The following WDR70 variants were observed in gnomAD, a reference collection of about 807,000 sequenced individuals.
The protein encoded by WDR70 is WD repeat domain 70, also known as WD repeat-containing protein 70.
Under a neutral mutation model 88.6 loss-of-function variants are expected in WDR70, and 53 were observed. The ratio of observed to expected loss-of-function variants is 0.60; its 90% CI spans 0.48 to 0.75. The LOEUF is 0.75. WDR70 is among the 30% of genes least tolerant of loss of function. WDR70 has a pLI of 0.00. For missense variants in WDR70, 610 were observed against 823.2 expected (o/e 0.74, Z 3.17); for synonymous variants, 280 against 270.0 (o/e 1.04, Z -0.36).
chr5:37,594,267 A>G (rs1408373972), intron 9 of WDR70, among the ~76,000 whole-genome samples: 2 of 152,040 alleles, frequency 1.3e-5, no homozygotes, highest in Admixed American at 1.3e-4. Flanking sequence ...TAGGGTTTTT[A>G]TGGTTTTAGG....
intron 5 of WDR70, among the ~76,000 whole-genome samples, chr5:37,408,793 T>C (rs1383860407): frequency 6.6e-6 from 1 of 152,170 alleles, no homozygotes; most frequent in African/African-American, 2.4e-5. Flanking sequence ...ATAATATATA[T>C]AGCATGTGTG....
chr5:37,490,616 TCCCTGGCTGCAGCA>T (rs2112190818), intron 8 of WDR70, among the ~76,000 whole-genome samples: 1 of 151,448 alleles, frequency 6.6e-6, no homozygotes, highest in Non-Finnish European at 1.5e-5. Flanking sequence ...TAGGCTCTGG[TCCCTGGCTGCAGCA>T]GCAGGCAGGG....
chr5:37,679,144 T>C (rs1235516310), intron 10 of WDR70, among the ~76,000 whole-genome samples: 1 of 152,130 alleles, frequency 6.6e-6, no homozygotes, highest in African/African-American at 2.4e-5. Context: ...TAAATTTTTT[T>C]CAAAGTTTTT....
rs1561106591 is a variant in WDR70, at chr5:37,752,809, C to T, written c.*236C>T. The T allele has an allele frequency of 2.5e-5, 10 of 394,838 alleles. 1 individual carries two copies. The South Asian group carries it at 3.7e-4, about 15-fold the overall frequency. The allele number at this position is 394,838 out of a possible 1,614,324, so 24.5% of individuals were successfully genotyped here. A position where few individuals can be genotyped will look rare whatever the true frequency, so the allele number is the denominator to read the frequency against. ...AAGAAACAGATTCTTAGTCTATTACCAAGTACTTTAGGTATTTGGAAACTT... is the reference window on the plus strand; with the variant it reads ...AAGAAACAGATTCTTAGTCTATTACTAAGTACTTTAGGTATTTGGAAACTT... On this transcript the variant is annotated 3_prime_UTR_variant, in exon 18 of 18. Transcript: ENST00000265107.
At chr5:37,717,909 A>G (rs1747696959) in intron 13 of WDR70, among the ~76,000 whole-genome samples, 1 of 152,182 alleles carries the variant, frequency 6.6e-6, no homozygotes, top group South Asian at 2.1e-4. Context: ...TTGTTTCTTC[A>G]TTTCGTGTTT....
At chr5:37,537,698 T>C (rs1741705146) in intron 9 of WDR70, among the ~76,000 whole-genome samples, 1 of 152,150 alleles carries the variant, frequency 6.6e-6, no homozygotes, top group Admixed American at 6.5e-5. Flanking sequence ...ATAAACAAAG[T>C]AAAATTGCTA....
intron 6 of WDR70, among the ~76,000 whole-genome samples, chr5:37,439,571 T>C (rs1039032386): frequency 6.6e-6 from 1 of 151,942 alleles, no homozygotes; most frequent in African/African-American, 2.4e-5. Flanking sequence ...TACTCCAGTA[T>C]GTTTTACACA....
intron 17 of WDR70, among the ~76,000 whole-genome samples, chr5:37,734,087 A>G (rs1475054473): frequency 1.3e-5 from 2 of 151,974 alleles, no homozygotes; most frequent in African/African-American, 4.8e-5. Context: ...CTTGGGGTGT[A>G]TAGGTATAAA....
At chr5:37,700,840 C>T (rs935659405) in intron 11 of WDR70, among the ~76,000 whole-genome samples, 4 of 152,160 alleles carry the variant, frequency 2.6e-5, no homozygotes, top group Non-Finnish European at 2.9e-5. Flanking sequence ...ACTGCTCTTG[C>T]GACTACCGCT....
intron 5 of WDR70, among the ~76,000 whole-genome samples, chr5:37,429,361 AAT>A (rs1750233177): frequency 1.3e-5 from 2 of 152,052 alleles, no homozygotes; most frequent in Non-Finnish European, 2.9e-5. Flanking sequence ...ATTTTGATAA[AAT>A]ATGTCAGTTT....
At chr5:37,555,250 T>TA (rs1212385322) in intron 9 of WDR70, among the ~76,000 whole-genome samples, 1 of 152,216 alleles carries the variant, frequency 6.6e-6, no homozygotes, top group Non-Finnish European at 1.5e-5. Context: ...CCTAGACTCT[T>TA]AAAACACTTA....
At chr5:37,745,233 T>G (rs1021272309) in intron 17 of WDR70, among the ~76,000 whole-genome samples, 1 of 152,038 alleles carries the variant, frequency 6.6e-6, no homozygotes, top group East Asian at 1.9e-4. Context: ...TGCTGAGGGA[T>G]TTTGTTACCA....
At chr5:37,580,350 A>G (rs1561910037) in intron 9 of WDR70, among the ~76,000 whole-genome samples, 1 of 152,212 alleles carries the variant, frequency 6.6e-6, no homozygotes. Flanking sequence ...CAGCTATGGC[A>G]TATTTCCATT....
chr5:37,416,974 C>G (rs1273022136), intron 5 of WDR70, among the ~76,000 whole-genome samples: 1 of 152,166 alleles, frequency 6.6e-6, no homozygotes, highest in Admixed American at 6.5e-5. Flanking sequence ...TTTTAAAGCT[C>G]CCTTTCCAGG....
chr5:37,619,409 G>A (rs1744442036), intron 10 of WDR70, among the ~76,000 whole-genome samples: 2 of 152,070 alleles, frequency 1.3e-5, no homozygotes. Context: ...CCTATATAAG[G>A]GATGCCTCTC....
intron 5 of WDR70, among the ~76,000 whole-genome samples, chr5:37,417,948 T>G (rs557560364): frequency 7.2e-5 from 11 of 152,280 alleles, no homozygotes. Context: ...TTTAAGTAAG[T>G]GCGCCATTAA....
intron 9 of WDR70, among the ~76,000 whole-genome samples, chr5:37,521,091 A>T (rs1436731643): frequency 6.6e-6 from 1 of 152,214 alleles, no homozygotes; most frequent in Non-Finnish European, 1.5e-5. Context: ...TAAGTTGAAT[A>T]GAGCAGTTGG....
At chr5:37,462,314 AT>A (rs1202459968) in intron 7 of WDR70, among the ~76,000 whole-genome samples, 1 of 151,790 alleles carries the variant, frequency 6.6e-6, no homozygotes, top group African/African-American at 2.4e-5. Context: ...TAATTAATTA[AT>A]TTTTTGAGAC....
intron 5 of WDR70, among the ~76,000 whole-genome samples, chr5:37,421,756 G>A (rs1362256125): frequency 1.3e-5 from 2 of 151,972 alleles, no homozygotes; most frequent in African/African-American, 4.8e-5. Flanking sequence ...TTGAGAAGAT[G>A]GTTCAGGTTG....
Sources: allele counts gnomAD v4.1 joint callset (sites outside exome capture counted in the v4.1 genomes callset), GRCh38; gene constraint gnomAD v4.1.1; transcripts MANE v1.5; gene names NCBI Gene and HGNC (gene_info 2026-07-23, HGNC 2026-07-21).